Variants in CDKL5 observed in about 807,000 individuals in gnomAD.
CDKL5 encodes cyclin-dependent kinase-like 5.
Under a neutral mutation model 61.7 loss-of-function variants are expected in CDKL5, and 8 were observed. The observed-to-expected ratio is 0.13, with a 90% CI of 0.08 to 0.23. CDKL5 has a LOEUF of 0.23. Ranked by LOEUF, CDKL5 falls within the 10% of genes least tolerant of loss-of-function variation. CDKL5 has a pLI of 1.00. For synonymous variants in CDKL5, 275 were observed against 272.3 expected, an observed-to-expected ratio of 1.01 and a Z score of -0.10; for missense variants, 440 against 734.5, an observed-to-expected ratio of 0.60 and a Z score of 4.63.
At position 18,638,808 on chromosome X, in the gene CDKL5, A is replaced by G. The variant is rs1047407115; in HGVS notation, c.*10051A>G. Among the ~76,000 whole-genome samples the G allele has an allele frequency of 8.9e-6, 1 of 112,143 alleles. No individual in the cohort carries two copies. Among genetic ancestry groups the G allele is most frequent in the Admixed American group, 9.5e-5 (1 of 10,513 alleles). On this transcript the variant is annotated 3_prime_UTR_variant, in exon 18 of 18. Transcript: ENST00000623535. The stretch of plus-strand genomic sequence containing the variant: ...AAAGTTGGAGGACTCACATGCCCCA[A>G]TTTCAAAACTTACTACAAAGCTACA...
intron 3 of CDKL5, among the ~76,000 whole-genome samples, chrX:18,553,506 TG>T (rs2147124121): frequency 9.5e-6 from 1 of 105,262 alleles, no homozygotes; most frequent in East Asian, 3.0e-4. Context: ...GTGTGTGTTT[TG>T]GAGACAGAGT....
At chrX:18,509,199 A>ACGCG (rs1351945385) in intron 2 of CDKL5, among the ~76,000 whole-genome samples, 97 of 44,919 alleles carry the variant, frequency 2.2e-3, no homozygotes, top group African/African-American at 8.4e-3. Context: ...CAAAACACGC[A>ACGCG]CACACACACA....
chrX:18,504,217 C>T (rs918331851), intron 1 of CDKL5, among the ~76,000 whole-genome samples: 2 of 111,132 alleles, frequency 1.8e-5, no homozygotes, highest in Non-Finnish European at 3.8e-5. Flanking sequence ...GTGATCCTCC[C>T]GTCTCAGCCT....
At chrX:18,498,674 G>T (rs1922269315) in intron 1 of CDKL5, among the ~76,000 whole-genome samples, 1 of 112,342 alleles carries the variant, frequency 8.9e-6, no homozygotes, top group Admixed American at 9.4e-5. Context: ...TATTTTGGGA[G>T]TGTATTTATT....
At position 18,592,233 on chromosome X, in the gene CDKL5, A is replaced by G. The variant is rs185565192; in HGVS notation, c.745-3115A>G. Among the ~76,000 whole-genome samples the G allele has an allele frequency of 7.1e-5, 8 of 112,256 alleles. No individual in the cohort carries two copies. The Admixed American group carries it at 7.6e-4, about 11-fold the overall frequency. On this transcript the variant is annotated intron_variant, in intron 9 of 17. Transcript: ENST00000623535. ...TCATCCATGAAATAATTAGAAAACA[A>G]TACAATTTATAAGAAAGCGTGGTAT...
intron 16 of CDKL5, 149 bp from the exon 17 acceptor site, chrX:18,624,979 T>A (rs1333581754): frequency 5.6e-6 from 3 of 533,665 alleles, no homozygotes; most frequent in East Asian, 6.9e-5. Context: ...ATTGTGAACA[T>A]TGGGAGAGAT....
intron 12 of CDKL5, 32 bp from the exon 13 acceptor site, chrX:18,608,779 C>G: frequency 1.0e-6 from 1 of 989,413 alleles, no homozygotes; most frequent in Non-Finnish European, 1.4e-6. Flanking sequence ...GAACAGGATG[C>G]TCTTATAAAT....
Position 18,629,984 on chromosome X carries a change from T to A in CDKL5, c.*1227T>A. 1 of 754,304 alleles carries A rather than the reference T, an allele frequency of 1.3e-6. No homozygotes were observed. The highest frequency in any genetic ancestry group is 1.6e-6 in the Non-Finnish European group (1 of 639,282). The allele number at this position is 754,304 out of a possible 1,213,427, so 62.2% of individuals were successfully genotyped here. A position where few individuals can be genotyped will look rare whatever the true frequency, so the allele number is the denominator to read the frequency against. ...ACCATCTCTATGCTCCTGAATATTG[T>A]CCACTGTCCCGGAGACTCTTGGCTG... On this transcript the variant is annotated 3_prime_UTR_variant, in exon 18 of 18. Coordinates refer to ENST00000623535, the MANE Select transcript of CDKL5 (RefSeq NM_001323289.2).
intron 5 of CDKL5, among the ~76,000 whole-genome samples, chrX:18,577,533 C>A (rs1179972608): frequency 8.9e-6 from 1 of 112,266 alleles, no homozygotes; most frequent in Non-Finnish European, 1.9e-5. Context: ...CATATAAATA[C>A]AAAGGTAGGG....
intron 3 of CDKL5, among the ~76,000 whole-genome samples, chrX:18,546,251 ACTT>A (rs1426048641): frequency 8.6e-5 from 9 of 104,387 alleles, no homozygotes; most frequent in South Asian, 8.4e-4. Flanking sequence ...CATATCTTCT[ACTT>A]CTTCTTTTTT....
chrX:18,611,404 C>A (rs946033792), intron 14 of CDKL5, among the ~76,000 whole-genome samples: 7 of 101,981 alleles, frequency 6.9e-5, no homozygotes, highest in Non-Finnish European at 9.9e-5. Context: ...CACTGCACCC[C>A]AGCCTAGGCG....
chrX:18,479,314 C>CTTTT (rs761687087), intron 1 of CDKL5, among the ~76,000 whole-genome samples: 74 of 66,543 alleles, frequency 1.1e-3, no homozygotes, highest in East Asian at 1.9e-3. Flanking sequence ...GCCACTATTT[C>CTTTT]TTTTTTTTTT....
chrX:18,466,936 G>A (rs769930919), intron 1 of CDKL5, among the ~76,000 whole-genome samples: 97 of 111,821 alleles, frequency 8.7e-4, no homozygotes, highest in Non-Finnish European at 1.5e-3. Flanking sequence ...TGCACTGCAG[G>A]AAGAACTCTG....
At position 18,629,776 on chromosome X, in the gene CDKL5, C is replaced by G. The variant is rs1927182907; in HGVS notation, c.*1019C>G. On this transcript the variant is annotated 3_prime_UTR_variant, in exon 18 of 18. Coordinates refer to ENST00000623535, the MANE Select transcript of CDKL5 (RefSeq NM_001323289.2). ...GGTTTCCGTCCTCACACACTTGGCT[C>G]CTGTTTGTGTCCAGGGACGTTACTT... The G allele has an allele frequency of 1.3e-6, 1 of 752,756 alleles. No individual in the cohort carries two copies. Among genetic ancestry groups the G allele is most frequent in the Non-Finnish European group, 1.6e-6 (1 of 639,224 alleles). 62.0% of individuals were successfully genotyped at this position (752,756 alleles called of 1,213,427 possible).
intron 5 of CDKL5, among the ~76,000 whole-genome samples, chrX:18,576,427 G>A (rs1008318654): frequency 9.0e-6 from 1 of 111,439 alleles, no homozygotes; most frequent in African/African-American, 3.3e-5. Flanking sequence ...GGCTCCTGCC[G>A]ATTCCTATGC....
chrX:18,640,895 A>G (rs1008944073), downstream of CDKL5: 2 of 112,653 alleles, frequency 1.8e-5, no homozygotes, highest in African/African-American at 6.5e-5. Flanking sequence ...AGGCCTCCCA[A>G]TCTAAGGCGC....
intron 1 of CDKL5, among the ~76,000 whole-genome samples, chrX:18,494,379 C>G (rs967114841): frequency 8.9e-6 from 1 of 112,256 alleles, no homozygotes; most frequent in African/African-American, 3.2e-5. Flanking sequence ...TTCCAAGTAG[C>G]TGGGATTACA....
chrX:18,566,261 A>G (rs1251572120), intron 4 of CDKL5, among the ~76,000 whole-genome samples: 1 of 111,510 alleles, frequency 9.0e-6, no homozygotes, highest in African/African-American at 3.3e-5. Context: ...AAGTGATTCT[A>G]CAGCCACAGC....
In CDKL5 at chrX:18,437,365, A is replaced by AT. The variant is rs776470327; in HGVS notation, c.-163+11676dup. Among the ~76,000 whole-genome samples the AT allele has an allele frequency of 3.5e-3, 390 of 111,811 alleles. 2 individuals are homozygous for AT. The Middle Eastern group carries it at 0.046, about 13-fold the overall frequency. On this transcript the variant is annotated intron_variant, in intron 1 of 17. Coordinates refer to ENST00000623535, the MANE Select transcript of CDKL5 (RefSeq NM_001323289.2). ...TTTCTATTTATAACTGAATTAGAATATTTTTTCTAACAGCTTTAGCTCTCT... is the reference window on the plus strand; with the variant it reads ...TTTCTATTTATAACTGAATTAGAATATTTTTTTCTAACAGCTTTAGCTCTCT...
Sources: allele counts gnomAD v4.1 joint callset (sites outside exome capture counted in the v4.1 genomes callset), GRCh38; gene constraint gnomAD v4.1.1; transcripts MANE v1.5; gene names NCBI Gene and HGNC (gene_info 2026-07-23, HGNC 2026-07-21).